Variants in TYW1 observed in about 807,000 individuals in gnomAD.
TYW1 encodes tRNA-yW synthesizing protein 1 homolog.
In TYW1, 46 loss-of-function variants were observed where a neutral mutation model predicts 96.2. The observed-to-expected ratio is 0.48, with a 90% CI of 0.38 to 0.61. The LOEUF is 0.61. Ranked by LOEUF, TYW1 falls within the 20% of genes least tolerant of loss-of-function variation. The pLI, the probability that TYW1 is intolerant of heterozygous loss-of-function variation, is 0.00. For missense variants in TYW1, 684 were observed against 909.6 expected (o/e 0.75, Z 3.19); for synonymous variants, 274 against 323.0 (o/e 0.85, Z 1.63).
intron 9 of TYW1, among the ~76,000 whole-genome samples, chr7:67,058,080 A>G (rs1226821149): frequency 1.3e-5 from 2 of 151,600 alleles, no homozygotes; most frequent in African/African-American, 2.4e-5. Flanking sequence ...GACTACAGGC[A>G]CCCGCCACCA....
intron 15 of TYW1, among the ~76,000 whole-genome samples, chr7:67,204,986 G>A (rs1337880280): frequency 3.3e-5 from 5 of 152,096 alleles, no homozygotes; most frequent in African/African-American, 1.2e-4. Flanking sequence ...CACATACCAC[G>A]TTGGCATCTT....
In TYW1 at chr7:66,996,952, C is replaced by T. The variant is rs1793185828; in HGVS notation, c.-27C>T. On this transcript the variant is annotated 5_prime_UTR_variant, in exon 1 of 16. Transcript: ENST00000359626. ...TCATCGGGCTATCCAGGTCCGAGAT[C>T]CTAGTCTCCTGTCGGCTCTGAGGAG... The T allele has an allele frequency of 6.2e-7, 1 of 1,614,142 alleles. No individual in the cohort carries two copies. The highest frequency in any genetic ancestry group is 8.5e-7 in the Non-Finnish European group (1 of 1,180,004).
chr7:67,220,624 C>T (rs1584712825), intron 15 of TYW1, among the ~76,000 whole-genome samples: 2 of 152,118 alleles, frequency 1.3e-5, no homozygotes, highest in East Asian at 3.8e-4. Flanking sequence ...GAAAATGTCC[C>T]ATGTGTACTT....
intron 15 of TYW1, among the ~76,000 whole-genome samples, chr7:67,219,574 G>A (rs1175828145): frequency 1.3e-5 from 2 of 152,198 alleles, no homozygotes; most frequent in Non-Finnish European, 2.9e-5. Context: ...ATAGTTATAA[G>A]TCCAATCAGA....
At chr7:67,008,502 CAA>C (rs1287614742) in intron 3 of TYW1, among the ~76,000 whole-genome samples, 2 of 152,166 alleles carry the variant, frequency 1.3e-5, no homozygotes, top group Non-Finnish European at 2.9e-5. Context: ...CATTAGCGTA[CAA>C]AAGATATTCA....
chr7:67,153,104 T>G (rs1261158527), intron 13 of TYW1, among the ~76,000 whole-genome samples: 1 of 152,232 alleles, frequency 6.6e-6, no homozygotes, highest in African/African-American at 2.4e-5. Context: ...TATATTAGGT[T>G]TCTTGGGCTT....
chr7:67,014,154 G>A (rs1161241933), intron 4 of TYW1, among the ~76,000 whole-genome samples: 1 of 152,144 alleles, frequency 6.6e-6, no homozygotes, highest in Non-Finnish European at 1.5e-5. Context: ...ATACCAGGAG[G>A]TATACTGGCA....
At chr7:67,208,650 A>G (rs902171844) in intron 15 of TYW1, among the ~76,000 whole-genome samples, 20 of 148,342 alleles carry the variant, frequency 1.3e-4, no homozygotes, top group African/African-American at 4.8e-4. Flanking sequence ...AGATCGCGCC[A>G]CTGCACTCTA....
At chr7:67,035,668 G>A (rs971329320) in intron 7 of TYW1, among the ~76,000 whole-genome samples, 12 of 152,156 alleles carry the variant, frequency 7.9e-5, no homozygotes, top group Admixed American at 6.5e-4. Flanking sequence ...TGCCTGGGAA[G>A]TTCCATTGTT....
intron 7 of TYW1, among the ~76,000 whole-genome samples, chr7:67,029,311 A>C (rs1450540022): frequency 1.3e-5 from 1 of 74,738 alleles, no homozygotes; most frequent in Non-Finnish European, 2.9e-5. Flanking sequence ...AGATTTAAAA[A>C]AATGATGTGG....
At chr7:67,095,502 A>C (rs2115842881) in intron 11 of TYW1, among the ~76,000 whole-genome samples, 2 of 151,562 alleles carry the variant, frequency 1.3e-5, no homozygotes, top group South Asian at 2.1e-4. Context: ...ATACAAAAAA[A>C]AAAAAATTAG....
intron 6 of TYW1, among the ~76,000 whole-genome samples, chr7:67,022,845 G>T (rs1171759443): frequency 6.6e-6 from 1 of 152,178 alleles, no homozygotes; most frequent in African/African-American, 2.4e-5. Flanking sequence ...AAGCAAAAGA[G>T]AACCAGAGAG....
intron 15 of TYW1, among the ~76,000 whole-genome samples, chr7:67,210,680 A>G (rs1468454369): frequency 4.3e-5 from 6 of 138,444 alleles, no homozygotes; most frequent in South Asian, 2.4e-4. Flanking sequence ...TCATCTGTCT[A>G]TCCATCCATT....
At chr7:67,055,279 T>G (rs868361881) in intron 8 of TYW1, among the ~76,000 whole-genome samples, 7 of 152,216 alleles carry the variant, frequency 4.6e-5, no homozygotes, top group Admixed American at 1.3e-4. Context: ...GGTTAAAATC[T>G]CCTCGTATAA....
chr7:67,012,990 C>T (rs150142946), intron 4 of TYW1, among the ~76,000 whole-genome samples: 62 of 151,928 alleles, frequency 4.1e-4, no homozygotes, highest in African/African-American at 1.4e-3. Flanking sequence ...ATTTTGTATC[C>T]CCGGGATTTG....
intron 12 of TYW1, among the ~76,000 whole-genome samples, chr7:67,110,412 C>T (rs1423825914): frequency 6.6e-6 from 1 of 152,120 alleles, no homozygotes; most frequent in East Asian, 1.9e-4. Context: ...AAGGCATCCC[C>T]TAACAAAAAC....
At chr7:67,022,304 A>G (rs1325156920) in intron 6 of TYW1, among the ~76,000 whole-genome samples, 1 of 152,200 alleles carries the variant, frequency 6.6e-6, no homozygotes, top group Non-Finnish European at 1.5e-5. Context: ...TTAGAGGGGC[A>G]GATTTGCATA....
intron 14 of TYW1, among the ~76,000 whole-genome samples, chr7:67,194,245 A>G (rs1474722504): frequency 6.6e-6 from 1 of 152,120 alleles, no homozygotes; most frequent in African/African-American, 2.4e-5. Flanking sequence ...GTAAAGGTAT[A>G]TAGGTACATG....
chr7:67,021,736 G>A (rs187181969), intron 6 of TYW1, among the ~76,000 whole-genome samples: 190 of 152,270 alleles, frequency 1.2e-3, no homozygotes, highest in Admixed American at 7.2e-4. Flanking sequence ...AGTTTCCCAA[G>A]GTCACAGAAC....
Sources: allele counts gnomAD v4.1 joint callset (sites outside exome capture counted in the v4.1 genomes callset), GRCh38; gene constraint gnomAD v4.1.1; transcripts MANE v1.5; gene names NCBI Gene and HGNC (gene_info 2026-07-23, HGNC 2026-07-21).